GLIS3: variants seen among roughly 807,000 people sequenced by gnomAD.
The protein encoded by GLIS3 is zinc finger protein GLIS3.
A neutral mutation model predicts 78.6 loss-of-function variants in GLIS3; 53 were observed. That is an observed-to-expected ratio of 0.67 (90% CI 0.54 to 0.85). GLIS3 has a LOEUF of 0.85. Among genes scored for constraint, GLIS3 ranks in the 40% least tolerant of loss-of-function variants. The pLI is 0.00. For missense variants in GLIS3, 1,703 were observed against 1,231.1 expected, an observed-to-expected ratio of 1.38 and a Z score of -5.74; for synonymous variants, 684 against 509.9, an observed-to-expected ratio of 1.34 and a Z score of -4.60.
chr9:4,215,127 A>G (rs1261977621), intron 2 of GLIS3, among the ~76,000 whole-genome samples: 2 of 152,222 alleles, frequency 1.3e-5, no homozygotes, highest in Non-Finnish European at 1.5e-5. Context: ...AGTCTCATGA[A>G]GGTAAGGACA....
chr9:4,036,226 GTTGT>G (rs1160845369), intron 4 of GLIS3, among the ~76,000 whole-genome samples: 5 of 151,884 alleles, frequency 3.3e-5, no homozygotes, highest in African/African-American at 1.2e-4. Context: ...TTTTGTTTTT[GTTGT>G]TTGTTTTATT....
intron 2 of GLIS3, among the ~76,000 whole-genome samples, chr9:4,200,024 T>G (rs550604453): frequency 1.3e-5 from 2 of 152,224 alleles, no homozygotes; most frequent in African/African-American, 4.8e-5. Context: ...ACCACACAAT[T>G]ACATGGAAAT....
intron 2 of GLIS3, among the ~76,000 whole-genome samples, chr9:4,340,770 A>G (rs1229767494): frequency 6.6e-6 from 1 of 152,068 alleles, no homozygotes; most frequent in Non-Finnish European, 1.5e-5. Flanking sequence ...ATCTCAACTC[A>G]CTGAACCTCC....
At chr9:4,474,985 A>ATTTTT in the GLIS3 span, among the ~76,000 whole-genome samples, 3,662 of 114,006 alleles carry the variant, frequency 0.032, 376 homozygotes, top group South Asian at 0.059. Flanking sequence ...GACTATGTTA[A>ATTTTT]TTTTTTTTTC....
At position 4,237,033 on chromosome 9, in the gene GLIS3, C is replaced by T. The variant is rs185501964; in HGVS notation, c.388+49005G>A. Among the ~76,000 whole-genome samples the T allele has an allele frequency of 2.3e-3, 355 of 152,118 alleles. 3 individuals carry two copies. The highest frequency in any genetic ancestry group is 8.2e-3 in the African/African-American group (339 of 41,536). ...CATTAGGCACATGTGGCCACTCTTA[C>T]TCTGCCATGTGGAAATCACAGAAAT... is the stretch of plus-strand genomic sequence containing the variant. On this transcript the variant is annotated intron_variant, in intron 2 of 10. Coordinates refer to ENST00000381971, the MANE Select transcript of GLIS3 (RefSeq NM_001042413.2).
chr9:3,891,215 C>T (rs1822417083), intron 7 of GLIS3, among the ~76,000 whole-genome samples: 1 of 152,046 alleles, frequency 6.6e-6, no homozygotes, highest in Non-Finnish European at 1.5e-5. Context: ...ACAATAGTTA[C>T]AACTATTAGG....
At chr9:3,953,777 C>T (rs1563886412) in intron 4 of GLIS3, among the ~76,000 whole-genome samples, 9 of 38,156 alleles carry the variant, frequency 2.4e-4, no homozygotes, top group African/African-American at 9.1e-4. Context: ...CTCTCTCTCT[C>T]TCTCTCTCTC....
the GLIS3 span, among the ~76,000 whole-genome samples, chr9:4,464,883 A>G: frequency 1.3e-5 from 2 of 152,228 alleles, no homozygotes; most frequent in Non-Finnish European, 2.9e-5. Flanking sequence ...GGAAAGACAC[A>G]TGTGAATATG....
In GLIS3 at chr9:4,118,439, C is replaced by T. The variant is rs1447279046; in HGVS notation, c.1039G>A (p.Val347Ile). 10 of 1,612,430 alleles carry T rather than the reference C, an allele frequency of 6.2e-6. No homozygotes were observed. Among genetic ancestry groups the T allele is most frequent in the Non-Finnish European group, 5.1e-6 (6 of 1,180,008 alleles). The change falls in exon 4 of 11, where the codon GTC becomes ATC. Residue 347 changes from valine (V) to isoleucine (I), a missense_variant. Transcript: ENST00000381971. This position sits in a 1 kb window ranked among gnomAD's most constrained non-coding sequence, Gnocchi z 4.7. ...CGCACGCCCAGGAAATGCCCGTAGA[C>T]CTCCGGCTGCGGGGACAGGTTGGCC... ...SPANLSPQPEVYGHFLGVRGS... is the reference protein window; with the variant it reads ...SPANLSPQPEIYGHFLGVRGS...
chr9:3,886,463 G>A (rs1822079706), intron 7 of GLIS3, among the ~76,000 whole-genome samples: 1 of 152,118 alleles, frequency 6.6e-6, no homozygotes, highest in Non-Finnish European at 1.5e-5. Context: ...AGCGAAAATG[G>A]GCTGTTACTA....
chr9:3,993,421 A>G (rs1211683990), intron 4 of GLIS3, among the ~76,000 whole-genome samples: 1 of 152,226 alleles, frequency 6.6e-6, no homozygotes, highest in African/African-American at 2.4e-5. Flanking sequence ...AAATACTATT[A>G]GTACCAAGTC....
intron 4 of GLIS3, among the ~76,000 whole-genome samples, chr9:4,056,795 G>C (rs1826187795): frequency 6.6e-6 from 1 of 150,488 alleles, no homozygotes; most frequent in South Asian, 2.1e-4. Context: ...AAGGAAAAGA[G>C]AAAATATTAA....
At chr9:3,870,179 A>AT (rs535072101) in intron 8 of GLIS3, among the ~76,000 whole-genome samples, 124 of 152,314 alleles carry the variant, frequency 8.1e-4, no homozygotes, top group African/African-American at 2.8e-3. Context: ...CCAATGATCA[A>AT]TTAGAAAATG....
At chr9:4,149,270 A>C (rs1051114317) in intron 2 of GLIS3, among the ~76,000 whole-genome samples, 2 of 152,196 alleles carry the variant, frequency 1.3e-5, no homozygotes, top group African/African-American at 4.8e-5. Flanking sequence ...CTCCCACAAC[A>C]ACCTTGATTA....
chr9:4,134,454 G>C (rs1360367098), intron 2 of GLIS3, among the ~76,000 whole-genome samples: 1 of 152,132 alleles, frequency 6.6e-6, no homozygotes, highest in Non-Finnish European at 1.5e-5. Context: ...CCCAGCTTGT[G>C]AATGTAACTT....
the GLIS3 span, among the ~76,000 whole-genome samples, chr9:4,392,364 G>A: frequency 6.6e-6 from 1 of 152,260 alleles, no homozygotes; most frequent in East Asian, 1.9e-4. Flanking sequence ...TATGTAACCT[G>A]CATATCCTGC....
chr9:4,320,573 C>T (rs1817509481), intron 2 of GLIS3, among the ~76,000 whole-genome samples: 1 of 151,780 alleles, frequency 6.6e-6, no homozygotes, highest in Non-Finnish European at 1.5e-5. Flanking sequence ...CTCTCTATTT[C>T]CAACACAAAA....
intron 4 of GLIS3, among the ~76,000 whole-genome samples, chr9:4,115,916 T>C (rs1332497964): frequency 6.6e-6 from 1 of 152,126 alleles, no homozygotes; most frequent in African/African-American, 2.4e-5. Flanking sequence ...GGAAGAGAAA[T>C]CATCTCCCAT....
intron 2 of GLIS3, among the ~76,000 whole-genome samples, chr9:4,227,073 G>T (rs1563789382): frequency 1.3e-5 from 2 of 152,212 alleles, no homozygotes; most frequent in South Asian, 4.1e-4. Flanking sequence ...GTCTGTGGAA[G>T]AATGACACAG....
Sources: allele counts gnomAD v4.1 joint callset (sites outside exome capture counted in the v4.1 genomes callset), GRCh38; gene constraint gnomAD v4.1.1; non-coding constraint Gnocchi (gnomAD v3.1); transcripts MANE v1.5; gene names NCBI Gene and HGNC (gene_info 2026-07-23, HGNC 2026-07-21).